The following FSTL5 variants were observed in gnomAD, a reference collection of about 807,000 sequenced individuals.
FSTL5 encodes follistatin-related protein 5.
In FSTL5, 62 loss-of-function variants were observed where a neutral mutation model predicts 89.1. The observed-to-expected ratio is 0.70, with a 90% CI of 0.57 to 0.86. The LOEUF is 0.86. FSTL5 is among the 40% of genes least tolerant of loss of function. The pLI, the probability that FSTL5 is intolerant of heterozygous loss-of-function variation, is 0.00. For synonymous variants in FSTL5, 383 were observed against 346.2 expected, an observed-to-expected ratio of 1.11 and a Z score of -1.18; for missense variants, 1,057 against 1,001.6, an observed-to-expected ratio of 1.06 and a Z score of -0.75.
At chr4:161,461,296 ACAAACAAAC>A (rs1161050552) in intron 13 of FSTL5, among the ~76,000 whole-genome samples, 3 of 121,254 alleles carry the variant, frequency 2.5e-5, no homozygotes, top group East Asian at 2.6e-4. Flanking sequence ...TACAAAAAAA[ACAAACAAAC>A]AAAAAAATTA....
At chr4:161,518,587 A>T in intron 10 of FSTL5, among the ~76,000 whole-genome samples, 1 of 152,194 alleles carries the variant, frequency 6.6e-6, no homozygotes, top group East Asian at 1.9e-4. Context: ...CAAATAATCT[A>T]TTACTTAATC....
intron 7 of FSTL5, among the ~76,000 whole-genome samples, chr4:161,655,221 T>C (rs1338298799): frequency 3.9e-5 from 6 of 152,098 alleles, no homozygotes; most frequent in Non-Finnish European, 8.8e-5. Flanking sequence ...CAGTCAGATC[T>C]TTGACAGGCA....
intron 6 of FSTL5, among the ~76,000 whole-genome samples, chr4:161,698,656 C>T (rs1227539882): frequency 6.6e-6 from 1 of 152,168 alleles, no homozygotes; most frequent in African/African-American, 2.4e-5. Flanking sequence ...AGGCCAGGCG[C>T]AGTGGCTCAC....
At chr4:161,901,485 C>T (rs552941249) in intron 4 of FSTL5, among the ~76,000 whole-genome samples, 89 of 152,302 alleles carry the variant, frequency 5.8e-4, no homozygotes, top group Admixed American at 1.2e-3. Flanking sequence ...CATATGAAAC[C>T]TTCTAAGCTG....
intron 6 of FSTL5, among the ~76,000 whole-genome samples, chr4:161,703,508 G>A (rs926623453): frequency 6.6e-6 from 1 of 151,960 alleles, no homozygotes; most frequent in Admixed American, 6.6e-5. Context: ...TCCTCTTGAA[G>A]CAAAAAACTT....
At chr4:161,589,081 C>T (rs374816968) in intron 7 of FSTL5, among the ~76,000 whole-genome samples, 27 of 151,548 alleles carry the variant, frequency 1.8e-4, no homozygotes, top group African/African-American at 5.8e-4. Flanking sequence ...CTCTGCCTCC[C>T]GGGTTCAATC....
chr4:161,797,129 G>A (rs1180036391), intron 4 of FSTL5, among the ~76,000 whole-genome samples: 1 of 151,458 alleles, frequency 6.6e-6, no homozygotes, highest in African/African-American at 2.4e-5. Context: ...ACCTTTGAAT[G>A]GGTCACTATG....
intron 4 of FSTL5, among the ~76,000 whole-genome samples, chr4:161,798,445 GA>G (rs1335317154): frequency 1.3e-5 from 2 of 149,580 alleles, no homozygotes; most frequent in East Asian, 3.9e-4. Flanking sequence ...TTTGCAGGGT[GA>G]AAAAATAAAG....
intron 6 of FSTL5, among the ~76,000 whole-genome samples, chr4:161,666,612 G>A (rs958806500): frequency 6.6e-6 from 1 of 152,060 alleles, no homozygotes; most frequent in Admixed American, 6.6e-5. Context: ...ACAGAAGTAA[G>A]AACACATAAT....
chr4:161,667,665 T>G (rs1736950152), intron 6 of FSTL5, among the ~76,000 whole-genome samples: 1 of 152,108 alleles, frequency 6.6e-6, no homozygotes, highest in African/African-American at 2.4e-5. Flanking sequence ...TTGATTCATT[T>G]AACTTTCCCA....
At chr4:162,083,180 G>A (rs531528303) in intron 2 of FSTL5, among the ~76,000 whole-genome samples, 1 of 151,842 alleles carries the variant, frequency 6.6e-6, no homozygotes, top group Admixed American at 6.6e-5. Context: ...TGGCTGAAAA[G>A]TATCATTTAC....
intron 7 of FSTL5, among the ~76,000 whole-genome samples, chr4:161,619,319 C>G (rs1431794704): frequency 6.6e-6 from 1 of 152,128 alleles, no homozygotes; most frequent in South Asian, 2.1e-4. Context: ...GCAATGGCAA[C>G]AAAAGACAAA....
At chr4:161,759,389 G>T in intron 6 of FSTL5, 22 bp downstream of exon 6, 1 of 1,566,472 alleles carries the variant, frequency 6.4e-7, no homozygotes, top group Non-Finnish European at 8.6e-7. Context: ...AAGGGAAATT[G>T]GAGAATGAAT....
At chr4:162,159,612 G>C (rs1423683949) in intron 1 of FSTL5, among the ~76,000 whole-genome samples, 3 of 151,926 alleles carry the variant, frequency 2.0e-5, no homozygotes, top group Admixed American at 2.0e-4. Flanking sequence ...AGTACACAAG[G>C]AATAAAAATA....
intron 8 of FSTL5, chr4:161,552,502 TC>T (rs1732250946): frequency 1.3e-5 from 2 of 151,650 alleles, no homozygotes; most frequent in African/African-American, 4.8e-5. Flanking sequence ...TCACTGATAC[TC>T]CCCAAAGGAA....
intron 15 of FSTL5, among the ~76,000 whole-genome samples, chr4:161,420,167 T>C (rs538296369): frequency 6.6e-6 from 1 of 152,318 alleles, no homozygotes; most frequent in Admixed American, 6.5e-5. Flanking sequence ...CTACTAATGA[T>C]ATAGACTCTC....
intron 2 of FSTL5, among the ~76,000 whole-genome samples, chr4:162,068,474 T>TTGCTG (rs1312525701): frequency 6.6e-6 from 1 of 152,024 alleles, no homozygotes; most frequent in Non-Finnish European, 1.5e-5. Flanking sequence ...TTAATAAATG[T>TTGCTG]TGCTGTGAGA....
intron 4 of FSTL5, among the ~76,000 whole-genome samples, chr4:161,877,225 T>C (rs888640438): frequency 2.0e-5 from 3 of 149,652 alleles, no homozygotes; most frequent in Non-Finnish European, 3.0e-5. Context: ...GCAGAAAATA[T>C]ATAGAAAAAT....
chr4:162,081,629 A>G (rs1420817544), intron 2 of FSTL5, among the ~76,000 whole-genome samples: 7 of 151,668 alleles, frequency 4.6e-5, no homozygotes, highest in Non-Finnish European at 3.0e-5. Flanking sequence ...TAAAGATGGC[A>G]TTGCAAAAAG....
Sources: gnomAD v4.1 joint callset for allele counts (sites outside exome capture counted in the v4.1 genomes callset) on GRCh38, gnomAD v4.1.1 for gene constraint, MANE v1.5 for transcripts, NCBI Gene and HGNC (gene_info 2026-07-23, HGNC 2026-07-21) for gene names.